The following CAMKMT variants were observed in gnomAD, a reference collection of about 807,000 sequenced individuals.
The protein encoded by CAMKMT is calmodulin-lysine N-methyltransferase, also known as CaM KMT.
In CAMKMT, 53 loss-of-function variants were observed where a neutral mutation model predicts 48.0. The observed-to-expected ratio is 1.10, with a 90% CI of 0.89 to 1.39. The LOEUF is 1.39. CAMKMT is among the 40% of genes most tolerant of loss of function. The pLI, the probability that CAMKMT is intolerant of heterozygous loss-of-function variation, is 0.00. For synonymous variants in CAMKMT, 165 were observed against 152.3 expected, an observed-to-expected ratio of 1.08 and a Z score of -0.61; for missense variants, 428 against 402.7, an observed-to-expected ratio of 1.06 and a Z score of -0.54.
chr2:44,474,672 A>C (rs1423857422), intron 3 of CAMKMT, among the ~76,000 whole-genome samples: 5 of 152,210 alleles, frequency 3.3e-5, no homozygotes, highest in African/African-American at 4.8e-5. Flanking sequence ...TTCAGATTCA[A>C]ATTCAGCAAA....
At chr2:44,594,600 G>T (rs1259555786) in intron 3 of CAMKMT, among the ~76,000 whole-genome samples, 1 of 152,154 alleles carries the variant, frequency 6.6e-6, no homozygotes, top group South Asian at 2.1e-4. Flanking sequence ...GGGAAAACTG[G>T]CTAGCCATAT....
intron 3 of CAMKMT, among the ~76,000 whole-genome samples, chr2:44,674,895 A>C (rs373877139): frequency 5.9e-5 from 9 of 151,948 alleles, no homozygotes; most frequent in African/African-American, 1.2e-4. Context: ...GAAAAAAAAA[A>C]CACACAAACT....
chr2:44,437,602 CT>C lies in CAMKMT; in HGVS notation c.376+47300del, dbSNP rs1274252128. ...GTGGCTCACGCCTGTAATCCCAGCA[CT>C]TTGGGAGGCTGAGGTGGTTGGATCA... On this transcript the variant is annotated intron_variant, in intron 3 of 10. Transcript: ENST00000378494. Among the ~76,000 whole-genome samples, 3 of 152,106 alleles carry C rather than the reference CT, an allele frequency of 2.0e-5. No individual in the cohort carries two copies. The East Asian group carries it at 5.8e-4, about 29-fold the overall frequency.
At chr2:44,588,655 T>G (rs1360798411) in intron 3 of CAMKMT, among the ~76,000 whole-genome samples, 1 of 24,598 alleles carries the variant, frequency 4.1e-5, no homozygotes, top group Non-Finnish European at 8.0e-5. Flanking sequence ...AGGTGGGGGG[T>G]CAGCCCCCCG....
intron 3 of CAMKMT, among the ~76,000 whole-genome samples, chr2:44,643,051 T>C (rs1156862352): frequency 2.6e-5 from 4 of 152,220 alleles, no homozygotes; most frequent in East Asian, 1.9e-4. Flanking sequence ...AACACATACA[T>C]AGAACCCTAT....
At chr2:44,655,411 A>G (rs907584992) in intron 3 of CAMKMT, among the ~76,000 whole-genome samples, 1 of 152,160 alleles carries the variant, frequency 6.6e-6, no homozygotes, top group Non-Finnish European at 1.5e-5. Context: ...GCTAGTTGAC[A>G]TGAGGCAGTT....
chr2:44,483,038 C>G (rs1369021711), intron 3 of CAMKMT, among the ~76,000 whole-genome samples: 1 of 152,106 alleles, frequency 6.6e-6, no homozygotes, highest in African/African-American at 2.4e-5. Flanking sequence ...ATGGAATCAA[C>G]AAGTACATAT....
At chr2:44,540,773 T>C (rs1667064575) in intron 3 of CAMKMT, among the ~76,000 whole-genome samples, 1 of 152,124 alleles carries the variant, frequency 6.6e-6, no homozygotes, top group Non-Finnish European at 1.5e-5. Flanking sequence ...CAGATATGGG[T>C]TCTAGATATA....
At chr2:44,387,065 T>C (rs1238064035) in intron 2 of CAMKMT, among the ~76,000 whole-genome samples, 2 of 152,200 alleles carry the variant, frequency 1.3e-5, no homozygotes, top group Non-Finnish European at 2.9e-5. Context: ...ATCTATTGTT[T>C]CCTTGTTGAC....
intron 3 of CAMKMT, among the ~76,000 whole-genome samples, chr2:44,677,907 T>C (rs1304790422): frequency 6.6e-6 from 1 of 152,150 alleles, no homozygotes; most frequent in Non-Finnish European, 1.5e-5. Context: ...ATTTCACAGC[T>C]GGACTCATGC....
chr2:44,668,899 A>C lies in CAMKMT; in HGVS notation c.377-35384A>C, dbSNP rs570051513. ...CAGGTTGAAGCAATTCTTATGCCTCAGCCTCCCAAGTAGCTGGGACTACAG... is the reference window on the plus strand; with the variant it reads ...CAGGTTGAAGCAATTCTTATGCCTCCGCCTCCCAAGTAGCTGGGACTACAG... On this transcript the variant is annotated intron_variant, in intron 3 of 10. Coordinates refer to ENST00000378494, the MANE Select transcript of CAMKMT (RefSeq NM_024766.5). Among the ~76,000 whole-genome samples, 6 of 151,990 alleles carry C rather than the reference A, an allele frequency of 3.9e-5. No individual in the cohort carries two copies. In the South Asian group the frequency reaches 1.2e-3, roughly 32 times the overall value.
chr2:44,402,834 T>G (rs868217169), intron 3 of CAMKMT, among the ~76,000 whole-genome samples: 1 of 151,140 alleles, frequency 6.6e-6, no homozygotes. Flanking sequence ...CCAAAAGTTC[T>G]TTTTCTCTTT....
At chr2:44,528,012 TC>T (rs568007396) in intron 3 of CAMKMT, among the ~76,000 whole-genome samples, 99 of 152,294 alleles carry the variant, frequency 6.5e-4, no homozygotes, top group Non-Finnish European at 6.9e-4. Context: ...ACCTATTCGT[TC>T]CTTGTAGTTC....
intron 9 of CAMKMT, among the ~76,000 whole-genome samples, chr2:44,764,475 A>G (rs1298707961): frequency 6.6e-6 from 1 of 152,132 alleles, no homozygotes; most frequent in Non-Finnish European, 1.5e-5. Context: ...CTTCCCATTT[A>G]ATGGATGAGA....
chr2:44,716,546 G>C (rs939671322), intron 7 of CAMKMT, among the ~76,000 whole-genome samples: 4 of 152,146 alleles, frequency 2.6e-5, no homozygotes, highest in Admixed American at 2.6e-4. Flanking sequence ...TGGCACAGGG[G>C]ACAGCATATT....
At chr2:44,620,228 A>G (rs1318261778) in intron 3 of CAMKMT, among the ~76,000 whole-genome samples, 1 of 151,304 alleles carries the variant, frequency 6.6e-6, no homozygotes, top group Non-Finnish European at 1.5e-5. Flanking sequence ...AAACACACCT[A>G]TTTTTCTTCC....
intron 3 of CAMKMT, among the ~76,000 whole-genome samples, chr2:44,666,440 G>A (rs1345686716): frequency 6.6e-6 from 1 of 151,970 alleles, no homozygotes; most frequent in African/African-American, 2.4e-5. Context: ...CCCAGAATGC[G>A]ATAAGCAGCC....
At chr2:44,384,679 C>T (rs1680604852) in intron 2 of CAMKMT, among the ~76,000 whole-genome samples, 3 of 151,898 alleles carry the variant, frequency 2.0e-5, no homozygotes, top group South Asian at 4.2e-4. Context: ...TATGAGTATC[C>T]AGTTTCATTC....
intron 3 of CAMKMT, among the ~76,000 whole-genome samples, chr2:44,395,680 G>A (rs1235160319): frequency 6.6e-6 from 1 of 152,118 alleles, no homozygotes; most frequent in Non-Finnish European, 1.5e-5. Context: ...ACTTTATAGT[G>A]AGGTGAACAT....
Sources: gnomAD v4.1 joint callset for allele counts (sites outside exome capture counted in the v4.1 genomes callset) on GRCh38, gnomAD v4.1.1 for gene constraint, MANE v1.5 for transcripts, NCBI Gene and HGNC (gene_info 2026-07-23, HGNC 2026-07-21) for gene names.